SSMEM1: variants seen among roughly 807,000 people sequenced by gnomAD.
SSMEM1 encodes the protein serine-rich single-pass membrane protein 1.
SSMEM1 carries 12 observed loss-of-function variants against 9.9 expected under a neutral mutation model. That is an observed-to-expected ratio of 1.21 (90% CI 0.78 to 1.96). SSMEM1 has a LOEUF of 1.96. Ranked by LOEUF, SSMEM1 falls within the 30% of genes most tolerant of loss-of-function variation. SSMEM1 has a pLI of 0.00. For synonymous variants in SSMEM1, 96 were observed against 98.9 expected, an observed-to-expected ratio of 0.97 and a Z score of 0.17; for missense variants, 259 against 292.2, an observed-to-expected ratio of 0.89 and a Z score of 0.83.
At chr7:130,206,921 G>T, upstream of SSMEM1, 2 of 211,516 alleles carry the variant, frequency 9.5e-6, no homozygotes, top group South Asian at 4.9e-5. Context: ...GGGAAGCCGA[G>T]GTTGCGGTGA....
chr7:130,205,439 A>G (rs1157976798), upstream of SSMEM1: 27 of 1,612,350 alleles, frequency 1.7e-5, no homozygotes, highest in Non-Finnish European at 2.2e-5. Context: ...GCCAAGCTCA[A>G]GCGGGAGGCC....
At chr7:130,209,078 G>A (rs943663681) in intron 1 of SSMEM1, among the ~76,000 whole-genome samples, 2 of 152,150 alleles carry the variant, frequency 1.3e-5, no homozygotes, top group African/African-American at 4.8e-5. Flanking sequence ...GGCCAGGCTG[G>A]TCTCAAACTC....
At position 130,216,225 on chromosome 7, in the gene SSMEM1, G is replaced by A; in HGVS notation, c.490G>A (p.Glu164Lys). The change falls in exon 3 of 3, where the codon GAG becomes AAG. Residue 164 changes from glutamate (E) to lysine (K), a missense_variant. Glu to Lys is a moderately conservative substitution (Grantham distance 56). Transcript: ENST00000297819. ...TAACTCAGAAGCCTCCTCGTGGAAG[G>A]AGAGTGAAAGTGAACACCACCCATC... ...ESNSEASSWK[E>K]SESEHHPSPD... is the part of the protein sequence containing the mutation. 1 of 1,614,192 alleles carries A rather than the reference G, an allele frequency of 6.2e-7. No individual in the cohort carries two copies. The highest frequency in any genetic ancestry group is 8.5e-7 in the Non-Finnish European group (1 of 1,180,032).
In SSMEM1 at chr7:130,216,267, A is replaced by G; in HGVS notation, c.532A>G (p.Arg178Gly). 1 of 1,614,188 alleles carries G rather than the reference A, an allele frequency of 6.2e-7. No individual in the cohort carries two copies. Among genetic ancestry groups the G allele is most frequent in the Non-Finnish European group, 8.5e-7 (1 of 1,180,046 alleles). Residue 178 changes from arginine to glycine, a missense_variant, in exon 3 of 3, where the codon AGG becomes GGG. By Grantham distance (125) the Arg-to-Gly change is moderately radical (BLOSUM62 -2). Coordinates refer to ENST00000297819, the MANE Select transcript of SSMEM1 (RefSeq NM_145268.4). ...EHHPSPDSIKRRKMAQRQRNL... is the reference protein window; with the variant it reads ...EHHPSPDSIKGRKMAQRQRNL... ...CCACCCATCACCAGACAGTATTAAG[A>G]GGAGAAAAATGGCTCAGAGGCAAAG...
upstream of SSMEM1, chr7:130,205,436 T>C (rs1798423056): frequency 2.5e-5 from 40 of 1,612,350 alleles, no homozygotes; most frequent in Non-Finnish European, 3.3e-5. Flanking sequence ...AAAGCCAAGC[T>C]CAAGCGGGAG....
chr7:130,213,057 A>T (rs1234491425), intron 1 of SSMEM1, among the ~76,000 whole-genome samples: 1 of 152,176 alleles, frequency 6.6e-6, no homozygotes, highest in African/African-American at 2.4e-5. Context: ...TTAAAATTAG[A>T]CATTGTCAGG....
intron 1 of SSMEM1, among the ~76,000 whole-genome samples, chr7:130,209,313 TGGA>T (rs1383281145): frequency 6.6e-6 from 1 of 152,166 alleles, no homozygotes; most frequent in African/African-American, 2.4e-5. Flanking sequence ...TCGGATGGGG[TGGA>T]GAAGGTTTGT....
chr7:130,214,215 A>G (rs958960445), intron 2 of SSMEM1, among the ~76,000 whole-genome samples: 4 of 152,174 alleles, frequency 2.6e-5, no homozygotes, highest in Non-Finnish European at 4.4e-5. Flanking sequence ...CAGGAGTTCA[A>G]GATCAGCCTG....
At chr7:130,211,160 CTT>C (rs59732545) in intron 1 of SSMEM1, among the ~76,000 whole-genome samples, 6 of 133,962 alleles carry the variant, frequency 4.5e-5, no homozygotes, top group African/African-American at 8.3e-5. Flanking sequence ...AAAGTGGTAT[CTT>C]TTTTTTTTTT....
In SSMEM1 at chr7:130,211,319, G is replaced by A. The variant is rs536547025; in HGVS notation, c.184-2161G>A. On this transcript the variant is annotated intron_variant, in intron 1 of 2. Coordinates refer to ENST00000297819, the MANE Select transcript of SSMEM1 (RefSeq NM_145268.4). The stretch of plus-strand genomic sequence containing the variant: ...ACTACAGGCACCCACCACCACACCC[G>A]GCTAATTTTTTTTGTATTTTAAGTA... Among the ~76,000 whole-genome samples the A allele has an allele frequency of 8.0e-4, 122 of 151,886 alleles. 1 individual carries two copies. Among genetic ancestry groups the A allele is most frequent in the African/African-American group, 2.4e-3 (101 of 41,424 alleles).
At chr7:130,207,826 T>C (rs141272715), upstream of SSMEM1, 20,329 of 1,428,512 alleles carry the variant, frequency 0.014, 203 homozygotes, top group Middle Eastern at 0.023. Context: ...CCAAGGAAAT[T>C]GTCATACATC....
rs779494195 is a variant in SSMEM1, at chr7:130,213,480, A to T, written c.184A>T (p.Met62Leu). 4 of 1,610,142 alleles carry T rather than the reference A, an allele frequency of 2.5e-6. No individual in the cohort carries two copies. The East Asian group carries it at 9.0e-5, about 36-fold the overall frequency. Residue 62 changes from methionine to leucine, a missense_variant and splice_region_variant, in exon 2 of 3, where the codon ATG becomes TTG. Coordinates refer to ENST00000297819, the MANE Select transcript of SSMEM1 (RefSeq NM_145268.4). ...LMFFSRASVW[M>L]SEDKKDEGSG... ...TTACTAACCTATGTTTCTGAAACAG[A>T]TGTCTGAGGATAAAAAGGATGAAGG...
Position 130,207,892 on chromosome 7 carries a change from T to A in SSMEM1, c.-19T>A, listed in dbSNP as rs752584235. 2 of 1,612,012 alleles carry A rather than the reference T, an allele frequency of 1.2e-6. No individual in the cohort carries two copies. Among genetic ancestry groups the A allele is most frequent in the East Asian group, 4.5e-5 (2 of 44,796 alleles). On this transcript the variant is annotated 5_prime_UTR_variant, in exon 1 of 3. Coordinates refer to ENST00000297819, the MANE Select transcript of SSMEM1 (RefSeq NM_145268.4). ...TTTATCCCTTTAAGCATGGTTTATT[T>A]TCTGAGCAAGGAGTCATCATGGGAG...
In SSMEM1 at chr7:130,213,692, C is replaced by CAAAAA. The variant is rs1179465068; in HGVS notation, c.238+176_238+180dup. 6.6e-3 allele frequency among the ~76,000 whole-genome samples: 517 copies of CAAAAA among 78,360 alleles called. 5 individuals carry two copies. The highest frequency in any genetic ancestry group is 8.8e-3 in the Middle Eastern group (1 of 114). The allele number at this position is 78,360 out of a possible 152,430, so 51.4% of individuals were successfully genotyped here. On this transcript the variant is annotated intron_variant, in intron 2 of 2. Coordinates refer to ENST00000297819, the MANE Select transcript of SSMEM1 (RefSeq NM_145268.4). Reference sequence around the variant, plus strand: ...TTGAGAACATAGTGAGACCCAGTACCAAAAAAAAAAAAAAAAAAAAAAGAA... The same window carrying CAAAAA: ...TTGAGAACATAGTGAGACCCAGTACCAAAAAAAAAAAAAAAAAAAAAAAAAAAGAA...
intron 1 of SSMEM1, among the ~76,000 whole-genome samples, chr7:130,210,719 G>A (rs969447444): frequency 1.1e-4 from 17 of 152,214 alleles, no homozygotes; most frequent in African/African-American, 3.9e-4. Flanking sequence ...CACTCCTGCT[G>A]TTTTCACTCA....
intron 1 of SSMEM1, among the ~76,000 whole-genome samples, chr7:130,208,580 A>G (rs1421014250): frequency 1.3e-5 from 2 of 152,228 alleles, no homozygotes; most frequent in African/African-American, 4.8e-5. Flanking sequence ...CAGTTTATCC[A>G]TCTGCTATGT....
intron 2 of SSMEM1, among the ~76,000 whole-genome samples, chr7:130,214,607 C>T (rs1798668226): frequency 6.6e-6 from 1 of 152,006 alleles, no homozygotes; most frequent in African/African-American, 2.4e-5. Flanking sequence ...ATAGTTCCAG[C>T]GTGAATGTTA....
chr7:130,206,249 C>A (rs192377863), upstream of SSMEM1, among the ~76,000 whole-genome samples: 30 of 152,238 alleles, frequency 2.0e-4, no homozygotes, highest in East Asian at 5.2e-3. Flanking sequence ...AGGAGCTCAA[C>A]CCCAGCGGAG....
chr7:130,211,439 A>G (rs1798590155), intron 1 of SSMEM1, among the ~76,000 whole-genome samples: 1 of 152,174 alleles, frequency 6.6e-6, no homozygotes, highest in East Asian at 1.9e-4. Flanking sequence ...GATTACAGGC[A>G]TGAGCCACCG....
Sources: gnomAD v4.1 joint callset for allele counts (sites outside exome capture counted in the v4.1 genomes callset) on GRCh38, gnomAD v4.1.1 for gene constraint, MANE v1.5 for transcripts, NCBI Gene and HGNC (gene_info 2026-07-23, HGNC 2026-07-21) for gene names.